The following FAT4 variants were observed in gnomAD, a reference collection of about 807,000 sequenced individuals.
FAT4 encodes protocadherin Fat 4.
In FAT4, 84 loss-of-function variants were observed where a neutral mutation model predicts 303.9. The observed-to-expected ratio is 0.28, with a 90% CI of 0.23 to 0.33. The LOEUF (loss-of-function observed/expected upper bound fraction) is 0.33, where lower values mean the gene tolerates loss of function less well. FAT4 is among the 10% of genes least tolerant of loss of function. FAT4 has a pLI of 1.00. For synonymous variants in FAT4, 2,307 were observed against 2,298.8 expected, an observed-to-expected ratio of 1.00 and a Z score of -0.10; for missense variants, 6,005 against 6,146.8, an observed-to-expected ratio of 0.98 and a Z score of 0.77.
At position 125,320,559 on chromosome 4, in the gene FAT4, A is replaced by C; in HGVS notation, c.4148A>C (p.Gln1383Pro). ...FLAKKLDFETQSLYKLNITAK... is the reference protein window; with the variant it reads ...FLAKKLDFETPSLYKLNITAK... ...GCCAAAAAACTGGACTTTGAAACAC[A>C]GTCTTTGTATAAATTAAATATAACA... is the stretch of plus-strand genomic sequence containing the variant. The change falls in exon 2 of 18, where the codon CAG (glutamine) becomes CCG (proline). Residue 1383 changes from glutamine (Q) to proline (P), a missense_variant. By Grantham distance (76) the Gln-to-Pro change is moderately conservative. Transcript: ENST00000394329. 6.2e-7 allele frequency: 1 copy of C among 1,613,978 alleles called. No individual in the cohort carries two copies. Among genetic ancestry groups the C allele is most frequent in the Non-Finnish European group, 8.5e-7 (1 of 1,179,866 alleles).
intron 13 of FAT4, among the ~76,000 whole-genome samples, chr4:125,476,920 C>A (rs1364468231): frequency 6.6e-6 from 1 of 151,972 alleles, no homozygotes; most frequent in Non-Finnish European, 1.5e-5. Flanking sequence ...TGATAATATA[C>A]ATCTAACTTG....
chr4:125,423,937 G>C (rs1331096665), intron 7 of FAT4, among the ~76,000 whole-genome samples: 1 of 152,218 alleles, frequency 6.6e-6, no homozygotes, highest in African/African-American at 2.4e-5. Context: ...CTCCCATTTG[G>C]AATGGGTGTA....
At chr4:125,437,995 C>T (rs567132634) in intron 8 of FAT4, among the ~76,000 whole-genome samples, 1 of 152,168 alleles carries the variant, frequency 6.6e-6, no homozygotes. Context: ...ATGCAAAGCA[C>T]CTAGCCCTCT....
intron 2 of FAT4, among the ~76,000 whole-genome samples, chr4:125,333,071 A>G (rs1005096167): frequency 6.6e-6 from 1 of 152,108 alleles, no homozygotes; most frequent in Admixed American, 6.6e-5. Flanking sequence ...GAGATACAAT[A>G]TTTAAATGAA....
At chr4:125,479,933 A>T in intron 15 of FAT4, 68 bp downstream of exon 15, 1 of 1,234,016 alleles carries the variant, frequency 8.1e-7, no homozygotes, top group South Asian at 2.5e-5. Flanking sequence ...TATGCACCCA[A>T]GTATGTAATC....
intron 7 of FAT4, among the ~76,000 whole-genome samples, chr4:125,424,560 G>T (rs1014020059): frequency 1.3e-5 from 2 of 152,140 alleles, no homozygotes; most frequent in African/African-American, 4.8e-5. Context: ...CACAGTCAGT[G>T]AGACTATTAT....
chr4:125,368,698 C>T (rs1732985291), intron 2 of FAT4, among the ~76,000 whole-genome samples: 1 of 151,286 alleles, frequency 6.6e-6, no homozygotes, highest in African/African-American at 2.4e-5. Flanking sequence ...TTAGATCTCT[C>T]TAAAATGTCA....
intron 2 of FAT4, among the ~76,000 whole-genome samples, chr4:125,397,910 A>G (rs972851295): frequency 3.9e-5 from 6 of 152,150 alleles, no homozygotes; most frequent in African/African-American, 1.4e-4. Flanking sequence ...TATCCTAACT[A>G]AATGGATGGG....
At chr4:125,422,749 A>G (rs112239700) in intron 7 of FAT4, among the ~76,000 whole-genome samples, 1 of 152,180 alleles carries the variant, frequency 6.6e-6, no homozygotes, top group East Asian at 1.9e-4. Context: ...AAAAATACCA[A>G]AGTGACTTTG....
chr4:125,443,509 A>C (rs565872201), intron 8 of FAT4, among the ~76,000 whole-genome samples: 5,570 of 152,264 alleles, frequency 0.037, 352 homozygotes, highest in African/African-American at 0.13. Flanking sequence ...TGCTATTTAT[A>C]GATTGTATGT....
intron 16 of FAT4, among the ~76,000 whole-genome samples, chr4:125,485,727 A>G (rs1337246605): frequency 6.6e-6 from 1 of 152,200 alleles, no homozygotes; most frequent in African/African-American, 2.4e-5. Context: ...AACCACTAAT[A>G]TAGTCATTTA....
At position 125,449,611 on chromosome 4, in the gene FAT4, C is replaced by T. The variant is rs1725970260; in HGVS notation, c.8601C>T (p.Ile2867=). 1 of 1,613,814 alleles carries T rather than the reference C, an allele frequency of 6.2e-7. No homozygotes were observed. Among genetic ancestry groups the T allele is most frequent in the Non-Finnish European group, 8.5e-7 (1 of 1,179,858 alleles). ...ATGTCACAATATTTGTGACAGACAT[C>T]AATGACAATGCTCCAAGATTTAGCA... ...STDVTIFVTD[I]NDNAPRFSRT... is the part of the protein sequence containing the mutation. The change falls in exon 10 of 18, where the codon ATC becomes ATT. Residue 2867 remains isoleucine, a synonymous_variant. Transcript: ENST00000394329.
chr4:125,317,415 G>C lies in FAT4; in HGVS notation c.1004G>C (p.Gly335Ala). The C allele has an allele frequency of 1.2e-6, 2 of 1,613,574 alleles. No homozygotes were observed. The highest frequency in any genetic ancestry group is 1.7e-6 in the Non-Finnish European group (2 of 1,180,042). Reference protein sequence around the residue: ...AMDRGVPSLTGRAEALIQLLD... With the variant: ...AMDRGVPSLTARAEALIQLLD... Reference sequence around the variant, plus strand: ...GACAGAGGCGTGCCTTCCCTCACTGGGCGCGCCGAGGCGCTGATTCAGCTG... The same window carrying C: ...GACAGAGGCGTGCCTTCCCTCACTGCGCGCGCCGAGGCGCTGATTCAGCTG... The change falls in exon 2 of 18, where the codon GGG becomes GCG. Residue 335 changes from glycine to alanine, a missense_variant. Gly to Ala is a moderately conservative substitution (Grantham distance 60). Transcript: ENST00000394329. This position sits in a 1 kb window ranked among gnomAD's most constrained non-coding sequence, Gnocchi z 7.0.
chr4:125,342,350 A>G (rs142721428), intron 2 of FAT4, among the ~76,000 whole-genome samples: 1 of 152,046 alleles, frequency 6.6e-6, no homozygotes, highest in Non-Finnish European at 1.5e-5. Flanking sequence ...TCAAGCTCAA[A>G]TAATTTCAAA....
Position 125,398,825 on chromosome 4 carries a change from A to G in FAT4, c.5217A>G (p.Val1739=), listed in dbSNP as rs752962694. ...TLQDINDNPP[V]FPTDMLDLTV... ...AGGATATCAATGACAATCCACCAGT[A>G]TTTCCAACGGACATGCTGGATCTCA... The change falls in exon 3 of 18, where the codon GTA becomes GTG. Residue 1739 remains valine, a synonymous_variant. Transcript: ENST00000394329. The G allele has an allele frequency of 1.2e-6, 2 of 1,613,278 alleles. No homozygotes were observed. The highest frequency in any genetic ancestry group is 8.5e-7 in the Non-Finnish European group (1 of 1,179,394).
chr4:125,413,164 A>G (rs556436759), intron 5 of FAT4, among the ~76,000 whole-genome samples: 8 of 151,944 alleles, frequency 5.3e-5, no homozygotes, highest in African/African-American at 1.9e-4. Context: ...AAAGCTTTAT[A>G]TATATATATG....
chr4:125,487,228 T>C (rs1354108971), intron 16 of FAT4, 117 bp from the exon 17 acceptor site: 1 of 824,150 alleles, frequency 1.2e-6, no homozygotes, highest in Non-Finnish European at 1.8e-6. Flanking sequence ...TACAACCAGA[T>C]TCTTCAGCTA....
intron 16 of FAT4, among the ~76,000 whole-genome samples, chr4:125,485,046 G>T (rs1196609912): frequency 1.3e-5 from 2 of 151,986 alleles, no homozygotes; most frequent in African/African-American, 2.4e-5. Context: ...TAGGGATGAG[G>T]TTTCACATGT....
chr4:125,406,204 C>A (rs1216596063), intron 3 of FAT4, among the ~76,000 whole-genome samples: 1 of 152,032 alleles, frequency 6.6e-6, no homozygotes, highest in Non-Finnish European at 1.5e-5. Context: ...TATTTACATT[C>A]TTTTGCATAT....
Sources: gnomAD v4.1 joint callset for allele counts (sites outside exome capture counted in the v4.1 genomes callset) on GRCh38, gnomAD v4.1.1 for gene constraint, Gnocchi (gnomAD v3.1) non-coding constraint, MANE v1.5 for transcripts, NCBI Gene and HGNC (gene_info 2026-07-23, HGNC 2026-07-21) for gene names.